The following PFN4 variants were observed in gnomAD, a reference collection of about 807,000 sequenced individuals.
The protein encoded by PFN4 is profilin family member 4.
Under a neutral mutation model 16.3 loss-of-function variants are expected in PFN4, and 10 were observed. The observed-to-expected ratio is 0.61, with a 90% CI of 0.38 to 1.04. The LOEUF (loss-of-function observed/expected upper bound fraction) is 1.04, where lower values mean the gene tolerates loss of function less well. Ranked by LOEUF, PFN4 falls within the 50% of genes least tolerant of loss-of-function variation. The pLI is 0.01. For synonymous variants in PFN4, 54 were observed against 56.9 expected (o/e 0.95, Z 0.23); for missense variants, 136 against 153.6 (o/e 0.89, Z 0.61).
rs78075603 is a variant in PFN4, at chr2:24,119,813, C to T, written c.256-131G>A. On this transcript the variant is annotated intron_variant, in intron 3 of 4. Transcript: ENST00000313213. ...GAATATATATGGAATATACATATTC[C>T]GTATATATTTTCCATATGTTTATAT... The T allele has an allele frequency of 1.8e-3, 1,110 of 610,870 alleles. 6 individuals are homozygous for T. The highest frequency in any genetic ancestry group is 0.015 in the African/African-American group (806 of 53,936). The allele number at this position is 610,870 out of a possible 1,614,324, so 37.8% of individuals were successfully genotyped here. A position where few individuals can be genotyped will look rare whatever the true frequency, so the allele number is the denominator to read the frequency against.
At chr2:24,121,551 T>C (rs977889902) in intron 2 of PFN4, among the ~76,000 whole-genome samples, 1 of 152,184 alleles carries the variant, frequency 6.6e-6, no homozygotes, top group African/African-American at 2.4e-5. Context: ...TGTATGGCTG[T>C]TTTTCCTCTA....
Position 24,122,487 on chromosome 2 carries a change from G to T in PFN4, c.49C>A (p.His17Asn). The T allele has an allele frequency of 6.2e-7, 1 of 1,614,176 alleles. No individual in the cohort carries two copies. Among genetic ancestry groups the T allele is most frequent in the Non-Finnish European group, 8.5e-7 (1 of 1,180,000 alleles). Residue 17 changes from histidine (H) to asparagine (N), a missense_variant, in exon 2 of 5, where the codon CAT becomes AAT. Physicochemically the swap from His to Asn is moderately conservative, Grantham distance 68. Coordinates refer to ENST00000313213, the MANE Select transcript of PFN4 (RefSeq NM_199346.3). ...LLLDTLLGTK[H>N]VDSAALIKIQ... is the part of the protein sequence containing the mutation. ...TTGATGAGGGCTGCACTGTCCACATGCTTGGTTCCCAAGAGGGTGTCTAAC... is the reference window on the plus strand; with the variant it reads ...TTGATGAGGGCTGCACTGTCCACATTCTTGGTTCCCAAGAGGGTGTCTAAC...
At chr2:24,117,344 G>A (rs1472927585) in intron 4 of PFN4, among the ~76,000 whole-genome samples, 1 of 151,796 alleles carries the variant, frequency 6.6e-6, no homozygotes, top group Non-Finnish European at 1.5e-5. Context: ...AAGTAGCATA[G>A]CATCCTTTTC....
At chr2:24,121,866 C>G (rs902426297) in intron 2 of PFN4, among the ~76,000 whole-genome samples, 1 of 152,144 alleles carries the variant, frequency 6.6e-6, no homozygotes, top group South Asian at 2.1e-4. Flanking sequence ...GTGGAAGCAG[C>G]CTGAGGCTTT....
At chr2:24,117,017 T>TC (rs1448347487) in intron 4 of PFN4, among the ~76,000 whole-genome samples, 1 of 116,182 alleles carries the variant, frequency 8.6e-6, no homozygotes, top group Non-Finnish European at 2.0e-5. Context: ...ATCCTGCATT[T>TC]TTTTTTTTTT....
chr2:24,120,516 ATC>A (rs202031836), intron 3 of PFN4, among the ~76,000 whole-genome samples: 1,612 of 152,298 alleles, frequency 0.011, 19 homozygotes, highest in Non-Finnish European at 0.018. Context: ...AATGATTTTC[ATC>A]TCTTTCATTC....
At chr2:24,120,275 A>AC (rs568657861) in intron 3 of PFN4, among the ~76,000 whole-genome samples, 5 of 134,674 alleles carry the variant, frequency 3.7e-5, no homozygotes, top group South Asian at 2.6e-4. Context: ...TCTCAAAAAA[A>AC]AAAACAACAA....
intron 3 of PFN4, among the ~76,000 whole-genome samples, chr2:24,120,550 ATTT>A (rs71395201): frequency 9.4e-5 from 14 of 149,054 alleles, no homozygotes; most frequent in African/African-American, 3.4e-4. Context: ...CAGAGAGCTG[ATTT>A]TTTTTAAAAT....
intron 2 of PFN4, 44 bp downstream of exon 2, chr2:24,122,372 AAAT>A (rs753821865): frequency 1.5e-6 from 2 of 1,336,126 alleles, no homozygotes; most frequent in Admixed American, 2.0e-5. Context: ...GGAAGAATAG[AAAT>A]AATAAGTAAA....
At chr2:24,117,784 T>C (rs759469723) in intron 4 of PFN4, among the ~76,000 whole-genome samples, 6 of 152,200 alleles carry the variant, frequency 3.9e-5, no homozygotes, top group Non-Finnish European at 7.3e-5. Context: ...TGATCACGTA[T>C]AATTTTTTAG....
chr2:24,120,503 A>G (rs1666074291), intron 3 of PFN4, among the ~76,000 whole-genome samples: 1 of 152,172 alleles, frequency 6.6e-6, no homozygotes, highest in Admixed American at 6.5e-5. Flanking sequence ...AGGGCATCCA[A>G]TGAATGATTT....
rs201033985 is a variant in PFN4, at chr2:24,121,303, G to A, written c.118-3C>T. 40 of 1,613,912 alleles carry A rather than the reference G, an allele frequency of 2.5e-5. No individual in the cohort carries two copies. The highest frequency in any genetic ancestry group is 3.1e-5 in the Non-Finnish European group (37 of 1,179,960). Reference sequence around the variant, plus strand: ...GTTCGGACATCACTGGGCGTTACCTGGAGAGGTTACATGGTTAGAGCAGGA... The same window carrying A: ...GTTCGGACATCACTGGGCGTTACCTAGAGAGGTTACATGGTTAGAGCAGGA... On this transcript the variant is annotated splice_region_variant and splice_polypyrimidine_tract_variant and intron_variant, in intron 2 of 4. Transcript: ENST00000313213.
intron 3 of PFN4, among the ~76,000 whole-genome samples, chr2:24,120,953 T>C (rs62128006): frequency 0.023 from 3,495 of 151,992 alleles, 55 homozygotes; most frequent in Non-Finnish European, 0.03. Context: ...GCTCAGTTAA[T>C]AGATTCTGGA....
chr2:24,116,474 A>G (rs1460110812), intron 4 of PFN4, among the ~76,000 whole-genome samples: 2 of 151,930 alleles, frequency 1.3e-5, no homozygotes, highest in African/African-American at 4.8e-5. Flanking sequence ...CTACAGGTGC[A>G]CTCCACCATG....
Position 24,119,652 on chromosome 2 carries a change from G to T in PFN4, c.286C>A (p.His96Asn). Residue 96 changes from histidine (H) to asparagine (N), a missense_variant, in exon 4 of 5, where the codon CAT (histidine) becomes AAT (asparagine). Coordinates refer to ENST00000313213, the MANE Select transcript of PFN4 (RefSeq NM_199346.3). Reference sequence around the variant, plus strand: ...TAAGTTGCTACCAGAAGATACAGATGGGTCTTCACGACAACCACACCAGTG... The same window carrying T: ...TAAGTTGCTACCAGAAGATACAGATTGGTCTTCACGACAACCACACCAGTG... ...ENTGVVVVKTHLYLLVATYTE... is the reference protein window; with the variant it reads ...ENTGVVVVKTNLYLLVATYTE... The T allele has an allele frequency of 6.2e-7, 1 of 1,613,436 alleles. No individual in the cohort carries two copies. Among genetic ancestry groups the T allele is most frequent in the Non-Finnish European group, 8.5e-7 (1 of 1,179,592 alleles).
At position 24,116,645 on chromosome 2, in the gene PFN4, A is replaced by G. The variant is rs538652916; in HGVS notation, c.362-1034T>C. Among the ~76,000 whole-genome samples the G allele has an allele frequency of 2.0e-5, 3 of 152,274 alleles. No individual in the cohort carries two copies. The East Asian group carries it at 5.8e-4, about 29-fold the overall frequency. On this transcript the variant is annotated intron_variant, in intron 4 of 4. Transcript: ENST00000313213. The stretch of plus-strand genomic sequence containing the variant: ...TGAGGCGGGCAGATCACTTGAAGTC[A>G]GGAGTTCGAGACCAGCCTGGCTAAC...
intron 1 of PFN4, 135 bp from the exon 2 acceptor site, chr2:24,122,682 G>A (rs916482962): frequency 3.4e-6 from 2 of 596,492 alleles, no homozygotes; most frequent in Non-Finnish European, 3.0e-6. Context: ...GGGTGAAAAC[G>A]GTGGTCCATC....
chr2:24,122,712 C>A, intron 1 of PFN4, 165 bp from the exon 2 acceptor site: 1 of 501,898 alleles, frequency 2.0e-6, no homozygotes. Context: ...CCACCAGTAC[C>A]CAAAGAGGAA....
intron 3 of PFN4, 73 bp from the exon 4 acceptor site, chr2:24,119,755 G>A (rs1402044474): frequency 7.4e-6 from 8 of 1,076,020 alleles, no homozygotes; most frequent in East Asian, 2.4e-5. Context: ...CTCCAGCTAC[G>A]TTTTTCACCA....
Sources: allele counts gnomAD v4.1 joint callset (sites outside exome capture counted in the v4.1 genomes callset), GRCh38; gene constraint gnomAD v4.1.1; transcripts MANE v1.5; gene names NCBI Gene and HGNC (gene_info 2026-07-23, HGNC 2026-07-21).